Variants in ARHGEF1 observed in about 807,000 individuals in gnomAD.
ARHGEF1 encodes 115 kDa guanine nucleotide exchange factor.
Under a neutral mutation model 119.7 loss-of-function variants are expected in ARHGEF1, and 40 were observed. The ratio of observed to expected loss-of-function variants is 0.33; its 90% CI spans 0.26 to 0.44. The LOEUF is 0.44. Ranked by LOEUF, ARHGEF1 falls within the 20% of genes least tolerant of loss-of-function variation. The pLI is 1.00. For synonymous variants in ARHGEF1, 494 were observed against 521.0 expected, an observed-to-expected ratio of 0.95 and a Z score of 0.71; for missense variants, 976 against 1,268.3, an observed-to-expected ratio of 0.77 and a Z score of 3.50.
At position 41,907,211 on chromosome 19, in the gene ARHGEF1, G is replaced by A. The variant is rs1479616727; in HGVS notation, c.*124G>A. On this transcript the variant is annotated 3_prime_UTR_variant, in exon 29 of 29. Transcript: ENST00000354532. ...CCCGAGGGCCTGAGGAGAGGGAGCT[G>A]TGGGCCACGCCTGGGAGGGGCCCAG... 1.3e-5 allele frequency: 19 copies of A among 1,519,944 alleles called. No individual in the cohort carries two copies. Among genetic ancestry groups the A allele is most frequent in the Non-Finnish European group, 1.7e-5 (19 of 1,139,572 alleles). 94.2% of individuals were successfully genotyped at this position (1,519,944 alleles called of 1,614,324 possible).
At chr19:41,909,127 C>T (rs1555851050), downstream of ARHGEF1, 1 of 1,231,816 alleles carries the variant, frequency 8.1e-7, no homozygotes, top group African/African-American at 1.6e-5. This position sits in a 1 kb window ranked among gnomAD's most constrained non-coding sequence, Gnocchi z 5.2. Context: ...ACAGGGGTGT[C>T]CGGGCCCCTG....
At position 41,903,224 on chromosome 19, in the gene ARHGEF1, C is replaced by A; in HGVS notation, c.1739-83C>A. 7.8e-7 allele frequency: 1 copy of A among 1,285,248 alleles called. No homozygotes were observed. Among genetic ancestry groups the A allele is most frequent in the South Asian group, 1.2e-5 (1 of 81,856 alleles). 79.6% of individuals were successfully genotyped at this position (1,285,248 alleles called of 1,614,324 possible). ...GGCGTGAGCCACCATGCCCGGCCAG[C>A]TGTCCTTTGTCTAACCTTGGCTGCC... On this transcript the variant is annotated intron_variant, in intron 18 of 28. Transcript: ENST00000354532. The surrounding 1 kb of genome is among the most constrained non-coding windows in gnomAD (Gnocchi z 4.2).
rs1568833945 is a variant in ARHGEF1, at chr19:41,917,587, CG to C, written c.1866-5503del. 6.6e-6 allele frequency among the ~76,000 whole-genome samples: 1 copy of C among 151,762 alleles called. No homozygotes were observed. Among genetic ancestry groups the C allele is most frequent in the Non-Finnish European group, 1.5e-5 (1 of 67,932 alleles). ...GCTCTGTCTAAAGAGGAGAGAGACG[CG>C]GCCTAAGACCCTTCTGCCACCGCCG... On this transcript the variant is annotated intron_variant, in intron 18 of 20. Transcript: ENST00000599589. This position sits in a 1 kb window ranked among gnomAD's most constrained non-coding sequence, Gnocchi z 4.8.
At chr19:41,886,579 C>T (rs2074297212) in intron 1 of ARHGEF1, among the ~76,000 whole-genome samples, 1 of 152,174 alleles carries the variant, frequency 6.6e-6, no homozygotes, top group African/African-American at 2.4e-5. Context: ...CCTCACCTGG[C>T]CAGTTTGCAA....
chr19:41,892,195 G>T lies in ARHGEF1; in HGVS notation c.324+72G>T, dbSNP rs8113686. 6.4e-7 allele frequency: 1 copy of T among 1,565,494 alleles called. No homozygotes were observed. The highest frequency in any genetic ancestry group is 1.1e-5 in the South Asian group (1 of 88,732). Reference sequence around the variant, plus strand: ...CTGCAGAGTCACCATGCGGTCCCCAGCCTCTGCCCTGAGGGCAGCTGCTGA... The same window carrying T: ...CTGCAGAGTCACCATGCGGTCCCCATCCTCTGCCCTGAGGGCAGCTGCTGA... On this transcript the variant is annotated intron_variant, in intron 5 of 28. Coordinates refer to ENST00000354532, the MANE Select transcript of ARHGEF1 (RefSeq NM_004706.4). This position sits in a 1 kb window ranked among gnomAD's most constrained non-coding sequence, Gnocchi z 6.3.
rs546493877 is a variant in ARHGEF1, at chr19:41,895,006, C to T, written c.878-343C>T. Among the ~76,000 whole-genome samples, 5 of 134,246 alleles carry T rather than the reference C, an allele frequency of 3.7e-5. No homozygotes were observed. In the East Asian group the frequency reaches 9.1e-4, roughly 24 times the overall value. 88.1% of individuals were successfully genotyped at this position (134,246 alleles called of 152,430 possible). A position where few individuals can be genotyped will look rare whatever the true frequency, so the allele number is the denominator to read the frequency against. On this transcript the variant is annotated intron_variant, in intron 11 of 28. Coordinates refer to ENST00000354532, the MANE Select transcript of ARHGEF1 (RefSeq NM_004706.4). The stretch of plus-strand genomic sequence containing the variant: ...GAGGTAGGAGGGATTGGGCCTGGAC[C>T]CCTGGGTCTGAGGGAGGAGCGGCTC...
intron 12 of ARHGEF1, 29 bp from the exon 13 acceptor site, chr19:41,896,345 TTCC>T: frequency 1.6e-6 from 2 of 1,236,934 alleles, no homozygotes; most frequent in Admixed American, 3.8e-5. Flanking sequence ...CGCAGAGGCC[TTCC>T]AGCCAGCCCT....
At chr19:41,918,381 A>T (rs1555852128), upstream of ARHGEF1, among the ~76,000 whole-genome samples, 27 of 149,664 alleles carry the variant, frequency 1.8e-4, no homozygotes. Flanking sequence ...CACACCACAC[A>T]TACACCACAT....
chr19:41,896,777 C>T, intron 13 of ARHGEF1: 2 of 541,294 alleles, frequency 3.7e-6, no homozygotes, highest in Non-Finnish European at 6.8e-6. Flanking sequence ...CTCCTTCCAT[C>T]TCCTTTATTT....
At position 41,905,364 on chromosome 19, in the gene ARHGEF1, CAT is replaced by C. The variant is rs1295755792; in HGVS notation, c.2336+104_2336+105del. 1 of 1,049,514 alleles carries C rather than the reference CAT, an allele frequency of 9.5e-7. No homozygotes were observed. 65.0% of individuals were successfully genotyped at this position (1,049,514 alleles called of 1,614,324 possible). On this transcript the variant is annotated intron_variant, in intron 24 of 28. Transcript: ENST00000354532. The surrounding 1 kb of genome is among the most constrained non-coding windows in gnomAD (Gnocchi z 6.4). ...AGAACCGTCTCTGTGTGAGCATGCA[CAT>C]GTGTGAATGCATGTGTGTGCATACA... is the stretch of plus-strand genomic sequence containing the variant.
At chr19:41,891,373 C>G (rs1235108036) in intron 4 of ARHGEF1, among the ~76,000 whole-genome samples, 1 of 152,190 alleles carries the variant, frequency 6.6e-6, no homozygotes, top group East Asian at 1.9e-4. Flanking sequence ...ACCTCCATCT[C>G]CTGGGTTCAA....
Position 41,906,545 on chromosome 19 carries a change from C to T in ARHGEF1, c.2580C>T (p.Gly860=). ...ATGGGGATGGGGTCCCAGGGGGCGG[C>T]CCCCTGAGCCCAGCACGGACCCAGG... is the stretch of plus-strand genomic sequence containing the variant. The part of the protein sequence containing the change: ...PRDGDGVPGG[G]PLSPARTQEI... The change falls in exon 27 of 29, where the codon GGC becomes GGT. Residue 860 remains glycine, a synonymous_variant. Transcript: ENST00000354532. This position sits in a 1 kb window ranked among gnomAD's most constrained non-coding sequence, Gnocchi z 4.5. 1 of 1,583,298 alleles carries T rather than the reference C, an allele frequency of 6.3e-7. No homozygotes were observed. The highest frequency in any genetic ancestry group is 8.5e-7 in the Non-Finnish European group (1 of 1,172,238).
In ARHGEF1 at chr19:41,889,211, C is replaced by T. The variant is rs1214977825; in HGVS notation, c.225+346C>T. 6.8e-5 allele frequency: 15 copies of T among 219,494 alleles called. No individual in the cohort carries two copies. Among genetic ancestry groups the T allele is most frequent in the African/African-American group, 8.9e-5 (4 of 44,984 alleles). 13.6% of individuals were successfully genotyped at this position (219,494 alleles called of 1,614,324 possible). ...CCATCAGCCTGTGGCAGCACCTTTC[C>T]GTGAACTCTAGGGGACCAAATTCTT... is the stretch of plus-strand genomic sequence containing the variant. On this transcript the variant is annotated intron_variant, in intron 4 of 28. Coordinates refer to ENST00000354532, the MANE Select transcript of ARHGEF1 (RefSeq NM_004706.4). The surrounding 1 kb of genome is among the most constrained non-coding windows in gnomAD (Gnocchi z 4.0).
intron 1 of ARHGEF1, among the ~76,000 whole-genome samples, chr19:41,926,574 C>T (rs1171407705): frequency 6.6e-6 from 1 of 152,180 alleles, no homozygotes; most frequent in East Asian, 1.9e-4. Context: ...TCTCGGGTCC[C>T]TCCCGTGGCT....
intron 2 of ARHGEF1, chr19:41,929,531 C>T (rs2074892779): frequency 6.4e-6 from 1 of 155,400 alleles, no homozygotes; most frequent in Non-Finnish European, 1.4e-5. Context: ...GACCCTCACC[C>T]TCACTGTCTA....
At chr19:41,925,527 G>A (rs546182574) in intron 1 of ARHGEF1, among the ~76,000 whole-genome samples, 17 of 152,278 alleles carry the variant, frequency 1.1e-4, no homozygotes, top group Admixed American at 2.6e-4. Context: ...GTGAGCAAGT[G>A]TACAAGGGAC....
chr19:41,923,482 T>A (rs2074853157), intron 1 of ARHGEF1, among the ~76,000 whole-genome samples: 1 of 148,404 alleles, frequency 6.7e-6, no homozygotes. Context: ...AAAGACAGGG[T>A]GAGACAGAGG....
At chr19:41,912,853 C>T in intron 18 of ARHGEF1, 1 of 1,201,890 alleles carries the variant, frequency 8.3e-7, no homozygotes, top group Non-Finnish European at 1.0e-6. Flanking sequence ...GGCCAGTTAC[C>T]GGGGGTCCAG....
At chr19:41,897,192 G>A in intron 13 of ARHGEF1, 1 of 991,872 alleles carries the variant, frequency 1.0e-6, no homozygotes, top group Non-Finnish European at 1.4e-6. Context: ...CTTACAGCTG[G>A]GGGGCAGGCT....
Sources: gnomAD v4.1 joint callset for allele counts (sites outside exome capture counted in the v4.1 genomes callset) on GRCh38, gnomAD v4.1.1 for gene constraint, Gnocchi (gnomAD v3.1) non-coding constraint, MANE v1.5 for transcripts, NCBI Gene and HGNC (gene_info 2026-07-23, HGNC 2026-07-21) for gene names.